Variants in LMF1 observed in about 807,000 individuals in gnomAD.
LMF1 encodes transmembrane protein 112.
A neutral mutation model predicts 60.6 loss-of-function variants in LMF1; 68 were observed. The ratio of observed to expected loss-of-function variants is 1.12; its 90% CI spans 0.92 to 1.37. The LOEUF (loss-of-function observed/expected upper bound fraction) is 1.37. Among genes scored for constraint, LMF1 ranks in the 40% most tolerant of loss-of-function variants. LMF1 has a pLI of 0.00. For synonymous variants in LMF1, 418 were observed against 324.7 expected (o/e 1.29, Z -3.09); for missense variants, 948 against 767.2 (o/e 1.24, Z -2.78).
chr16:914,496 T>C (rs2071214506), intron 3 of LMF1, among the ~76,000 whole-genome samples: 1 of 148,006 alleles, frequency 6.8e-6, no homozygotes, highest in Admixed American at 6.8e-5. Context: ...CCAGACACGC[T>C]CCCTCCCTCC....
intron 2 of LMF1, among the ~76,000 whole-genome samples, chr16:950,265 C>T (rs1353037564): frequency 9.3e-6 from 1 of 107,406 alleles, no homozygotes; most frequent in Admixed American, 9.1e-5. Flanking sequence ...ACGACAGAGT[C>T]AGCCAACGAC....
At chr16:926,332 C>T (rs2071601462) in intron 3 of LMF1, among the ~76,000 whole-genome samples, 1 of 151,522 alleles carries the variant, frequency 6.6e-6, no homozygotes, top group Non-Finnish European at 1.5e-5. Context: ...TGCATAAGAT[C>T]TGCAGGTCTG....
At chr16:924,516 G>A (rs1364418594) in intron 3 of LMF1, among the ~76,000 whole-genome samples, 1 of 152,146 alleles carries the variant, frequency 6.6e-6, no homozygotes, top group Non-Finnish European at 1.5e-5. Flanking sequence ...TGAGCATGTG[G>A]CATTTTCGAA....
chr16:955,830 A>G (rs1423805182), intron 1 of LMF1, among the ~76,000 whole-genome samples: 2 of 152,238 alleles, frequency 1.3e-5, no homozygotes, highest in African/African-American at 2.4e-5. Context: ...GGCTCTGGTC[A>G]ACGGCATCAC....
Position 919,933 on chromosome 16 carries a change from G to A in LMF1, c.515-8854C>T, listed in dbSNP as rs576655016. Among the ~76,000 whole-genome samples, 5 of 152,202 alleles carry A rather than the reference G, an allele frequency of 3.3e-5. No individual in the cohort carries two copies. In the East Asian group the frequency reaches 7.7e-4, roughly 24 times the overall value. On this transcript the variant is annotated intron_variant, in intron 3 of 10. Coordinates refer to ENST00000262301, the MANE Select transcript of LMF1 (RefSeq NM_022773.4). ...CTCCTGCCCCCGGCACCATCCTTCCGGCCTCGGTCAAGACTGCCCGGACAC... is the reference window on the plus strand; with the variant it reads ...CTCCTGCCCCCGGCACCATCCTTCCAGCCTCGGTCAAGACTGCCCGGACAC...
chr16:893,073 C>G lies in LMF1; in HGVS notation c.664-1G>C. Reference sequence around the variant, plus strand: ...GGTCCCCCCGGATCTTGATCAGGCCCTGCAAGGAAGAGAGCAGAGGGAGAG... The same window carrying G: ...GGTCCCCCCGGATCTTGATCAGGCCGTGCAAGGAAGAGAGCAGAGGGAGAG... On this transcript the variant is annotated splice_acceptor_variant, in intron 4 of 10. Coordinates refer to ENST00000262301, the MANE Select transcript of LMF1 (RefSeq NM_022773.4). LOFTEE classifies it high-confidence loss of function. 6.4e-7 allele frequency: 1 copy of G among 1,553,870 alleles called. No individual in the cohort carries two copies. The highest frequency in any genetic ancestry group is 1.2e-5 in the South Asian group (1 of 84,170).
chr16:923,440 T>C (rs2151770149), intron 3 of LMF1, among the ~76,000 whole-genome samples: 1 of 152,158 alleles, frequency 6.6e-6, no homozygotes, highest in South Asian at 2.1e-4. Flanking sequence ...CACGTCTTGG[T>C]CTCTAAACAC....
chr16:873,692 C>T (rs1016591935), intron 6 of LMF1: 3 of 152,212 alleles, frequency 2.0e-5, no homozygotes, highest in African/African-American at 7.3e-5. Context: ...CATTGTGTTC[C>T]AGGTGGGCAC....
intron 2 of LMF1, chr16:947,775 G>C (rs1354633069): frequency 2.8e-6 from 1 of 353,974 alleles, no homozygotes; most frequent in African/African-American, 2.1e-5. Context: ...GAGAGTCAGA[G>C]CCAACGACAG....
intron 3 of LMF1, among the ~76,000 whole-genome samples, chr16:918,422 G>T (rs1244170564): frequency 3.3e-5 from 5 of 152,224 alleles, no homozygotes; most frequent in African/African-American, 1.2e-4. Context: ...ATACGAAAAT[G>T]CTTCCCGTCC....
At chr16:924,097 A>G (rs1302820536) in intron 3 of LMF1, among the ~76,000 whole-genome samples, 1 of 152,120 alleles carries the variant, frequency 6.6e-6, no homozygotes, top group Non-Finnish European at 1.5e-5. Context: ...AAAATAATGT[A>G]AAGACAATCA....
chr16:895,627 G>A (rs1055792523), intron 4 of LMF1, among the ~76,000 whole-genome samples: 6 of 152,180 alleles, frequency 3.9e-5, no homozygotes, highest in Admixed American at 3.3e-4. Context: ...AGACTGGCGG[G>A]GGAGTGGGAG....
At chr16:942,797 T>C (rs1015067844) in intron 2 of LMF1, among the ~76,000 whole-genome samples, 4 of 151,022 alleles carry the variant, frequency 2.6e-5, no homozygotes, top group Non-Finnish European at 4.4e-5. Context: ...TTAGACCACC[T>C]GGTGCTATAT....
rs571219013 is a variant in LMF1 at position 885,693 on chromosome 16, A to G, written c.730-5956T>C. Among the ~76,000 whole-genome samples, 608 of 152,360 alleles carry G rather than the reference A, an allele frequency of 4.0e-3. 1 individual carries two copies. The highest frequency in any genetic ancestry group is 7.0e-3 in the Non-Finnish European group (476 of 68,036). On this transcript the variant is annotated intron_variant, in intron 5 of 10. Coordinates refer to ENST00000262301, the MANE Select transcript of LMF1 (RefSeq NM_022773.4). ...GAGGTCAGAAGACTCTCAAACACGT[A>G]TGTGCCTGATAATAGAGCTTCAAAA...
At chr16:912,713 C>T (rs572882190) in intron 3 of LMF1, among the ~76,000 whole-genome samples, 4 of 152,324 alleles carry the variant, frequency 2.6e-5, no homozygotes, top group South Asian at 2.1e-4. Context: ...AAGCCAGAGC[C>T]GCCTGGCTGG....
rs922734189 is a variant in LMF1 at position 939,275 on chromosome 16, C to T, written c.504-5021G>A. ...CGCTGTCCCCGCCGTGAGCACGAACCCTGGGTGCAGGCTGGCGGCACCCGT... is the reference window on the plus strand; with the variant it reads ...CGCTGTCCCCGCCGTGAGCACGAACTCTGGGTGCAGGCTGGCGGCACCCGT... On this transcript the variant is annotated intron_variant, in intron 2 of 10. Transcript: ENST00000262301. 3.9e-5 allele frequency among the ~76,000 whole-genome samples: 6 copies of T among 152,218 alleles called. No individual in the cohort carries two copies. The South Asian group carries it at 1.2e-3, about 32-fold the overall frequency.
At chr16:894,289 G>A (rs541400270) in intron 4 of LMF1, among the ~76,000 whole-genome samples, 2 of 68,018 alleles carry the variant, frequency 2.9e-5, no homozygotes, top group Middle Eastern at 0.014. Flanking sequence ...CTGGCAGTGC[G>A]CCCACCCATC....
intron 2 of LMF1, among the ~76,000 whole-genome samples, chr16:952,077 G>C (rs2072486111): frequency 6.6e-6 from 1 of 152,212 alleles, no homozygotes; most frequent in Non-Finnish European, 1.5e-5. Context: ...TGTGCGTGGA[G>C]GGGTCCTGGG....
Position 970,822 on chromosome 16 carries a change from C to G in LMF1, c.159G>C (p.Arg53=), listed in dbSNP as rs2073028749. ...HLHTGTFWLT[R]IVLLKALAFV... ...AGGCTAGGGCCTTCAGGAGCACGAT[C>G]CGGGTCAGCCAGAAGGTGCCCGTGT... Residue 53 remains arginine, a synonymous_variant, in exon 1 of 11, where the codon CGG becomes CGC. Transcript: ENST00000262301. 1 of 1,545,332 alleles carries G rather than the reference C, an allele frequency of 6.5e-7. No individual in the cohort carries two copies. The highest frequency in any genetic ancestry group is 2.0e-5 in the Admixed American group (1 of 50,854).
Sources: gnomAD v4.1 joint callset for allele counts (sites outside exome capture counted in the v4.1 genomes callset) on GRCh38, gnomAD v4.1.1 for gene constraint, MANE v1.5 for transcripts, NCBI Gene and HGNC (gene_info 2026-07-23, HGNC 2026-07-21) for gene names.